The following PTPRQ variants were observed in gnomAD, a reference collection of about 807,000 sequenced individuals.
PTPRQ encodes phosphatidylinositol phosphatase PTPRQ.
PTPRQ carries 199 observed loss-of-function variants against 246.0 expected under a neutral mutation model. The observed-to-expected ratio is 0.81, with a 90% CI of 0.72 to 0.91. PTPRQ has a LOEUF of 0.91. Among genes scored for constraint, PTPRQ ranks in the 40% least tolerant of loss-of-function variants. The probability of loss-of-function intolerance (pLI) is 0.00; values close to 1 mark genes in which losing one functional copy is unlikely to be tolerated. For synonymous variants in PTPRQ, 869 were observed against 853.2 expected (o/e 1.02, Z -0.32); for missense variants, 2,624 against 2,528.4 (o/e 1.04, Z -0.81).
intron 7 of PTPRQ, among the ~76,000 whole-genome samples, chr12:80,469,505 C>T (rs1893556039): frequency 6.6e-6 from 1 of 152,048 alleles, no homozygotes; most frequent in Non-Finnish European, 1.5e-5. Context: ...TTGAGAGCCT[C>T]TGATTCTATG....
intron 8 of PTPRQ, among the ~76,000 whole-genome samples, chr12:80,480,461 G>C (rs1221822293): frequency 6.6e-6 from 1 of 150,706 alleles, no homozygotes; most frequent in Non-Finnish European, 1.5e-5. Context: ...ACAATTAAAA[G>C]AACTAGAAAA....
At chr12:80,470,909 T>A (rs1015255197) in intron 7 of PTPRQ, among the ~76,000 whole-genome samples, 4 of 152,150 alleles carry the variant, frequency 2.6e-5, no homozygotes, top group Admixed American at 6.5e-5. Context: ...GATAGTAATG[T>A]CCAAGTTATG....
chr12:80,621,528 T>C lies in PTPRQ; in HGVS notation c.5613-533T>C, dbSNP rs1395227160. ...AATTTTTAAGCTTGATCTTCTTCTG[T>C]ATCCTTTACTTCAAATGCTATGGAA... On this transcript the variant is annotated intron_variant, in intron 32 of 44. Coordinates refer to ENST00000644991, the MANE Select transcript of PTPRQ (RefSeq NM_001145026.2). Among the ~76,000 whole-genome samples, 4 of 152,100 alleles carry C rather than the reference T, an allele frequency of 2.6e-5. No individual in the cohort carries two copies. In the East Asian group the frequency reaches 7.8e-4, roughly 30 times the overall value.
intron 17 of PTPRQ, among the ~76,000 whole-genome samples, chr12:80,523,645 G>C (rs1895584502): frequency 2.0e-5 from 3 of 152,106 alleles, no homozygotes; most frequent in Admixed American, 1.3e-4. Context: ...TCAGGAGCAG[G>C]GTGTTCAGTT....
intron 8 of PTPRQ, among the ~76,000 whole-genome samples, chr12:80,479,376 G>A (rs1259087328): frequency 2.0e-5 from 3 of 151,668 alleles, no homozygotes; most frequent in African/African-American, 7.3e-5. Flanking sequence ...CCTGAAGGAA[G>A]CACTAAACAT....
At chr12:80,508,004 T>C (rs1443776467) in intron 16 of PTPRQ, among the ~76,000 whole-genome samples, 2 of 152,036 alleles carry the variant, frequency 1.3e-5, no homozygotes, top group Non-Finnish European at 2.9e-5. Context: ...TGAGATCTTA[T>C]ATGATGGAAT....
At chr12:80,581,997 T>A (rs991447480) in intron 25 of PTPRQ, among the ~76,000 whole-genome samples, 1 of 152,174 alleles carries the variant, frequency 6.6e-6, no homozygotes, top group South Asian at 2.1e-4. Context: ...TAGCAATGTC[T>A]ACCAATGCTA....
intron 3 of PTPRQ, chr12:80,454,656 G>T (rs888761908): frequency 1.6e-6 from 1 of 635,124 alleles, no homozygotes; most frequent in Non-Finnish European, 2.8e-6. Context: ...TGCCTACTTT[G>T]TTGAGGGTTT....
chr12:80,534,282 T>C, intron 18 of PTPRQ, 107 bp downstream of exon 18: 1 of 1,176,848 alleles, frequency 8.5e-7, no homozygotes, highest in Non-Finnish European at 1.1e-6. Flanking sequence ...AGCCTAATAT[T>C]CATCATCAGT....
chr12:80,576,278 A>G (rs1428426470), intron 25 of PTPRQ, among the ~76,000 whole-genome samples: 1 of 151,942 alleles, frequency 6.6e-6, no homozygotes, highest in Non-Finnish European at 1.5e-5. Context: ...AGTAGCTGGG[A>G]CTATAGGCAC....
intron 17 of PTPRQ, chr12:80,525,850 A>G (rs1895669568): frequency 6.6e-6 from 1 of 152,128 alleles, no homozygotes; most frequent in Admixed American, 6.6e-5. Context: ...TACTTGACCT[A>G]TTGAAAAGCT....
At chr12:80,556,281 A>G (rs1425651436) in intron 25 of PTPRQ, among the ~76,000 whole-genome samples, 3 of 152,184 alleles carry the variant, frequency 2.0e-5, no homozygotes, top group Non-Finnish European at 4.4e-5. Flanking sequence ...TGCTCACCTC[A>G]GCCTCCCAAA....
chr12:80,592,965 T>A (rs1270458772), intron 26 of PTPRQ, among the ~76,000 whole-genome samples: 1 of 152,096 alleles, frequency 6.6e-6, no homozygotes, highest in Admixed American at 6.6e-5. Flanking sequence ...GAGCCAAGAT[T>A]GTGCCACTGC....
chr12:80,449,820 G>A (rs893426302), intron 3 of PTPRQ, among the ~76,000 whole-genome samples: 1 of 152,190 alleles, frequency 6.6e-6, no homozygotes, highest in Non-Finnish European at 1.5e-5. Context: ...GATGCCTCCA[G>A]CTTCGTTCTT....
intron 39 of PTPRQ, among the ~76,000 whole-genome samples, chr12:80,667,339 T>G (rs1900819553): frequency 6.6e-6 from 1 of 151,940 alleles, no homozygotes; most frequent in African/African-American, 2.4e-5. Flanking sequence ...GAGAACACTA[T>G]GATAAGTGAA....
Position 80,468,695 on chromosome 12 carries a change from C to G in PTPRQ, c.911-15C>G, listed in dbSNP as rs1353818665. The G allele has an allele frequency of 4.6e-6, 7 of 1,518,740 alleles. No homozygotes were observed. Among genetic ancestry groups the G allele is most frequent in the South Asian group, 1.3e-5 (1 of 75,598 alleles). 94.1% of individuals were successfully genotyped at this position (1,518,740 alleles called of 1,614,324 possible). ...TAAATATATGTTATGTATTTATTTT[C>G]TATAATTATTTTAGTGCCTGAAGGA... On this transcript the variant is annotated splice_polypyrimidine_tract_variant and intron_variant, in intron 6 of 44. Transcript: ENST00000644991.
chr12:80,544,060 T>C (rs1896232623), intron 23 of PTPRQ, among the ~76,000 whole-genome samples: 1 of 152,162 alleles, frequency 6.6e-6, no homozygotes, highest in Admixed American at 6.6e-5. Flanking sequence ...TCTTGTCTCC[T>C]CAGAATGGTG....
chr12:80,479,559 C>T (rs1219304715), intron 8 of PTPRQ, among the ~76,000 whole-genome samples: 10 of 144,974 alleles, frequency 6.9e-5, no homozygotes, highest in Non-Finnish European at 1.5e-4. Context: ...ACTAAATGCT[C>T]CAATTAAAAG....
At chr12:80,634,896 T>A in intron 34 of PTPRQ, 49 bp from the exon 35 acceptor site, 1 of 1,541,134 alleles carries the variant, frequency 6.5e-7, no homozygotes, top group South Asian at 1.2e-5. Flanking sequence ...CCTAATTTTA[T>A]ATACTTTGTG....
Sources: gnomAD v4.1 joint callset for allele counts (sites outside exome capture counted in the v4.1 genomes callset) on GRCh38, gnomAD v4.1.1 for gene constraint, MANE v1.5 for transcripts, NCBI Gene and HGNC (gene_info 2026-07-23, HGNC 2026-07-21) for gene names.